Variants in XRRA1 observed in about 807,000 individuals in gnomAD.
XRRA1 encodes X-ray radiation resistance associated 1.
XRRA1 carries 69 observed loss-of-function variants against 80.2 expected under a neutral mutation model. The ratio of observed to expected loss-of-function variants is 0.86; its 90% CI spans 0.71 to 1.05. The LOEUF (loss-of-function observed/expected upper bound fraction) is 1.05, where lower values mean the gene tolerates loss of function less well. XRRA1 is among the 50% of genes least tolerant of loss of function. The pLI is 0.00. For synonymous variants in XRRA1, 348 were observed against 389.9 expected (o/e 0.89, Z 1.27); for missense variants, 967 against 976.4 (o/e 0.99, Z 0.13).
chr11:74,890,849 C>T (rs1007260717), intron 10 of XRRA1, among the ~76,000 whole-genome samples: 2 of 152,136 alleles, frequency 1.3e-5, no homozygotes, highest in African/African-American at 4.8e-5. Context: ...CAAGGCTAAA[C>T]CAGGAAGAAG....
chr11:74,938,909 G>T (rs1945700472), intron 3 of XRRA1, among the ~76,000 whole-genome samples: 1 of 152,158 alleles, frequency 6.6e-6, no homozygotes, highest in African/African-American at 2.4e-5. Context: ...TACTAGTCCT[G>T]TTTATCTACT....
chr11:74,907,246 G>C lies in XRRA1; in HGVS notation c.684C>G (p.Ser228Arg). The C allele has an allele frequency of 6.2e-7, 1 of 1,613,966 alleles. No homozygotes were observed. The highest frequency in any genetic ancestry group is 8.5e-7 in the Non-Finnish European group (1 of 1,179,872). ...EQEASVTSLT[S>R]KRYILRFPAL... Reference sequence around the variant, plus strand: ...CTGGGAACCTCAGGATGTACCTCTTGCTTGTCAGCGATGTTACAGATGCCT... The same window carrying C: ...CTGGGAACCTCAGGATGTACCTCTTCCTTGTCAGCGATGTTACAGATGCCT... Residue 228 changes from serine to arginine, a missense_variant, in exon 9 of 19, where the codon AGC becomes AGG. Physicochemically the swap from Ser to Arg is moderately radical, Grantham distance 110. Coordinates refer to ENST00000684022, the MANE Select transcript of XRRA1 (RefSeq NM_001378157.1).
chr11:74,905,778 A>T (rs2054457417), intron 10 of XRRA1, among the ~76,000 whole-genome samples: 1 of 152,090 alleles, frequency 6.6e-6, no homozygotes, highest in South Asian at 2.1e-4. Flanking sequence ...CATGAAGCCC[A>T]TCATAGCTCG....
chr11:74,933,099 G>A (rs747990197), intron 5 of XRRA1, among the ~76,000 whole-genome samples: 1 of 152,126 alleles, frequency 6.6e-6, no homozygotes, highest in African/African-American at 2.4e-5. Flanking sequence ...AGTTAGGAAC[G>A]AACCAGCTTC....
chr11:74,861,543 G>T lies in XRRA1; in HGVS notation c.1044+1438C>A, dbSNP rs1199475713. On this transcript the variant is annotated intron_variant, in intron 11 of 18. Transcript: ENST00000684022. ...CTAATTGCACGAAAACAAGCTCAAG[G>T]CTCCCACTGATTCTACACTGTGGTG... Among the ~76,000 whole-genome samples, 4 of 142,110 alleles carry T rather than the reference G, an allele frequency of 2.8e-5. No homozygotes were observed. The East Asian group carries it at 8.7e-4, about 31-fold the overall frequency. The allele number at this position is 142,110 out of a possible 152,430, so 93.2% of individuals were successfully genotyped here.
At chr11:74,868,007 C>T (rs1335658573) in intron 10 of XRRA1, among the ~76,000 whole-genome samples, 25 of 148,212 alleles carry the variant, frequency 1.7e-4, no homozygotes, top group Admixed American at 5.4e-4. Context: ...CTGCAACCTC[C>T]GCCTCCCAGG....
chr11:74,889,666 G>C (rs985439868), intron 10 of XRRA1, among the ~76,000 whole-genome samples: 10 of 152,144 alleles, frequency 6.6e-5, no homozygotes, highest in Non-Finnish European at 1.2e-4. Context: ...TCCATCTCAT[G>C]TGCAGAGACA....
At chr11:74,859,942 A>G (rs149627212) in intron 11 of XRRA1, among the ~76,000 whole-genome samples, 10 of 152,098 alleles carry the variant, frequency 6.6e-5, no homozygotes, top group Admixed American at 6.5e-4. Context: ...AGAAAAAGGT[A>G]ATTGTTGGTT....
intron 11 of XRRA1, among the ~76,000 whole-genome samples, chr11:74,859,854 C>G (rs980261927): frequency 1.3e-5 from 2 of 152,072 alleles, no homozygotes; most frequent in African/African-American, 4.8e-5. Flanking sequence ...ATGTGGCATG[C>G]TGCAGCTGGA....
rs751570490 is a variant in XRRA1, at chr11:74,851,098, T to A, written c.1370A>T (p.Glu457Val). Residue 457 changes from glutamate (E) to valine (V), a missense_variant, in exon 14 of 19, where the codon GAA becomes GTA. Glu to Val is a moderately radical substitution (Grantham distance 121, BLOSUM62 -2). Coordinates refer to ENST00000684022, the MANE Select transcript of XRRA1 (RefSeq NM_001378157.1). Reference protein sequence around the residue: ...PKHHVLMSRKESWKVKSEIPK... With the variant: ...PKHHVLMSRKVSWKVKSEIPK... ...CCTTGGAAGCCCTACCTTCCATGATTCCTTCCGAGACATCAAAACATGATG... is the reference window on the plus strand; with the variant it reads ...CCTTGGAAGCCCTACCTTCCATGATACCTTCCGAGACATCAAAACATGATG... The A allele has an allele frequency of 6.2e-7, 1 of 1,610,088 alleles. No individual in the cohort carries two copies. Among genetic ancestry groups the A allele is most frequent in the Non-Finnish European group, 8.5e-7 (1 of 1,177,822 alleles).
chr11:74,874,233 C>CAAAAAAAAAAAAAAA (rs367875228), intron 10 of XRRA1, among the ~76,000 whole-genome samples: 1 of 48,290 alleles, frequency 2.1e-5, no homozygotes, highest in Admixed American at 3.4e-4. Context: ...GACTCCGTCT[C>CAAAAAAAAAAAAAAA]AAAAAAAAAA....
chr11:74,860,137 A>G (rs927472884), intron 11 of XRRA1, among the ~76,000 whole-genome samples: 1 of 151,988 alleles, frequency 6.6e-6, no homozygotes, highest in Non-Finnish European at 1.5e-5. Context: ...TTCAGTGAAC[A>G]TTTGTGGGGC....
intron 8 of XRRA1, among the ~76,000 whole-genome samples, chr11:74,916,498 T>A (rs908684407): frequency 5.9e-5 from 9 of 152,188 alleles, no homozygotes; most frequent in Non-Finnish European, 1.2e-4. Flanking sequence ...ATTTTCAGGT[T>A]CAAAATTTCT....
chr11:74,945,333 T>C (rs923788325), intron 1 of XRRA1, among the ~76,000 whole-genome samples: 1 of 152,106 alleles, frequency 6.6e-6, no homozygotes, highest in African/African-American at 2.4e-5. Context: ...AGTGCTTAAA[T>C]CAGACACACG....
chr11:74,881,710 C>A (rs2047636195), intron 10 of XRRA1, among the ~76,000 whole-genome samples: 1 of 152,014 alleles, frequency 6.6e-6, no homozygotes, highest in Non-Finnish European at 1.5e-5. Flanking sequence ...CTGGTGGTGA[C>A]AAAATCTCTC....
Position 74,865,836 on chromosome 11 carries a change from C to T in XRRA1, c.1004-2815G>A, listed in dbSNP as rs79724144. On this transcript the variant is annotated intron_variant, in intron 10 of 18. Coordinates refer to ENST00000684022, the MANE Select transcript of XRRA1 (RefSeq NM_001378157.1). ...CCCTTGGCCAACATTCCCACATAGC[C>T]CCAGTCCTGTGTTTGGGTCTTCCCA... Among the ~76,000 whole-genome samples the T allele has an allele frequency of 6.1e-3, 928 of 152,316 alleles. 8 individuals are homozygous for T. Among genetic ancestry groups the T allele is most frequent in the Admixed American group, 9.5e-3 (145 of 15,300 alleles).
intron 10 of XRRA1, among the ~76,000 whole-genome samples, chr11:74,879,972 G>C (rs2047101879): frequency 6.6e-6 from 1 of 151,896 alleles, no homozygotes; most frequent in African/African-American, 2.4e-5. Context: ...GAATGATGCT[G>C]GCCTCATAAA....
At chr11:74,947,845 CT>C (rs1565474466) in intron 1 of XRRA1, among the ~76,000 whole-genome samples, 3 of 152,178 alleles carry the variant, frequency 2.0e-5, no homozygotes, top group African/African-American at 4.8e-5. Context: ...CTGCCTCAGC[CT>C]CCCAAGTAGC....
In XRRA1 at chr11:74,933,635, T is replaced by C. The variant is rs1363126041; in HGVS notation, c.351+166A>G. 5.1e-6 allele frequency: 3 copies of C among 591,886 alleles called. No homozygotes were observed. In the East Asian group the frequency reaches 8.4e-5, roughly 17 times the overall value. The allele number at this position is 591,886 out of a possible 1,614,324, so 36.7% of individuals were successfully genotyped here. ...TGTAGCAAAAGTTTGTGTCTGAATA[T>C]TGTTTCAACCCAATAAATCCTTGTC... On this transcript the variant is annotated intron_variant, in intron 5 of 18. Coordinates refer to ENST00000684022, the MANE Select transcript of XRRA1 (RefSeq NM_001378157.1).
Sources: allele counts gnomAD v4.1 joint callset (sites outside exome capture counted in the v4.1 genomes callset), GRCh38; gene constraint gnomAD v4.1.1; transcripts MANE v1.5; gene names NCBI Gene and HGNC (gene_info 2026-07-23, HGNC 2026-07-21).